Variants in NRG2 observed in about 807,000 individuals in gnomAD.
NRG2 encodes the protein pro-neuregulin-2, membrane-bound isoform.
A neutral mutation model predicts 73.9 loss-of-function variants in NRG2; 27 were observed. That is an observed-to-expected ratio of 0.37 (90% CI 0.27 to 0.50). The LOEUF (loss-of-function observed/expected upper bound fraction) is 0.50, where lower values mean the gene tolerates loss of function less well. Among genes scored for constraint, NRG2 ranks in the 20% least tolerant of loss-of-function variants. The probability of loss-of-function intolerance (pLI) is 0.96; values close to 1 mark genes in which losing one functional copy is unlikely to be tolerated. For synonymous variants in NRG2, 532 were observed against 541.0 expected, an observed-to-expected ratio of 0.98 and a Z score of 0.23; for missense variants, 1,126 against 1,210.1, an observed-to-expected ratio of 0.93 and a Z score of 1.03.
At chr5:139,968,941 G>C (rs1248454242) in intron 1 of NRG2, among the ~76,000 whole-genome samples, 1 of 152,236 alleles carries the variant, frequency 6.6e-6, no homozygotes, top group African/African-American at 2.4e-5. Flanking sequence ...ACCTGGTGGA[G>C]AGATGAGGAA....
Position 139,916,281 on chromosome 5 carries a change from G to A in NRG2, c.701-28770C>T, listed in dbSNP as rs566843637. Among the ~76,000 whole-genome samples the A allele has an allele frequency of 1.6e-4, 25 of 152,282 alleles. No individual in the cohort carries two copies. In the South Asian group the frequency reaches 4.1e-3, roughly 25 times the overall value. ...GCAGACGGTATATGAAGCACACTTCGAGAAAACTGGTCCCAGAGAATCCAG... is the reference window on the plus strand; with the variant it reads ...GCAGACGGTATATGAAGCACACTTCAAGAAAACTGGTCCCAGAGAATCCAG... On this transcript the variant is annotated intron_variant, in intron 1 of 9. Transcript: ENST00000361474.
intron 1 of NRG2, among the ~76,000 whole-genome samples, chr5:140,026,941 C>T (rs1040126635): frequency 3.3e-5 from 5 of 152,086 alleles, no homozygotes; most frequent in African/African-American, 1.2e-4. Context: ...GGCAATGCCT[C>T]GAAGAATGTT....
At chr5:139,973,754 C>A (rs1208916845) in intron 1 of NRG2, among the ~76,000 whole-genome samples, 1 of 152,220 alleles carries the variant, frequency 6.6e-6, no homozygotes, top group African/African-American at 2.4e-5. Context: ...GATAAAGATT[C>A]TGACAGATTC....
At position 139,887,555 on chromosome 5, in the gene NRG2, G is replaced by A. The variant is rs1320818602; in HGVS notation, c.701-44C>T. On this transcript the variant is annotated intron_variant, in intron 1 of 9. Transcript: ENST00000361474. This position sits in a 1 kb window ranked among gnomAD's most constrained non-coding sequence, Gnocchi z 4.5. Reference sequence around the variant, plus strand: ...GTAGGTGAGCACGGTGGTGGTAGGGGCAGTGCCAAGCATGAGTAGTGGAGA... The same window carrying A: ...GTAGGTGAGCACGGTGGTGGTAGGGACAGTGCCAAGCATGAGTAGTGGAGA... 1.0e-5 allele frequency: 16 copies of A among 1,577,092 alleles called. No homozygotes were observed. The highest frequency in any genetic ancestry group is 1.2e-5 in the Non-Finnish European group (14 of 1,150,838).
At chr5:140,000,005 A>G (rs1282058931) in intron 1 of NRG2, among the ~76,000 whole-genome samples, 6 of 152,170 alleles carry the variant, frequency 3.9e-5, no homozygotes, top group Non-Finnish European at 1.5e-5. Flanking sequence ...TTTTCTTTAT[A>G]CGCTCATGCA....
At chr5:139,908,718 T>C (rs1765404800) in intron 1 of NRG2, among the ~76,000 whole-genome samples, 1 of 152,186 alleles carries the variant, frequency 6.6e-6, no homozygotes, top group African/African-American at 2.4e-5. Flanking sequence ...GAGAAAGCCC[T>C]CACCCCTCAA....
At position 139,988,602 on chromosome 5, in the gene NRG2, G is replaced by C. The variant is rs138388502; in HGVS notation, c.700+53768C>G. Among the ~76,000 whole-genome samples, 88 of 152,146 alleles carry C rather than the reference G, an allele frequency of 5.8e-4. 2 individuals carry two copies. The highest frequency in any genetic ancestry group is 1.2e-4 in the Non-Finnish European group (8 of 67,950). On this transcript the variant is annotated intron_variant, in intron 1 of 9. Coordinates refer to ENST00000361474, the MANE Select transcript of NRG2 (RefSeq NM_004883.3). ...TCTGGAAAAGGCAAAACTATGGAGA[G>C]AGTAAAAGGATCAGTAGTTGCCAGA... is the stretch of plus-strand genomic sequence containing the variant.
At chr5:139,941,746 T>A (rs775148596) in intron 1 of NRG2, among the ~76,000 whole-genome samples, 2 of 152,194 alleles carry the variant, frequency 1.3e-5, no homozygotes, top group Non-Finnish European at 2.9e-5. Flanking sequence ...TCATTTGCAC[T>A]TGCATCAACA....
At chr5:139,931,865 CA>C (rs1331352334) in intron 1 of NRG2, among the ~76,000 whole-genome samples, 1 of 151,996 alleles carries the variant, frequency 6.6e-6, no homozygotes, top group Non-Finnish European at 1.5e-5. Flanking sequence ...CAGGGAAATG[CA>C]AATTAAAACC....
intron 1 of NRG2, among the ~76,000 whole-genome samples, chr5:139,932,397 C>T (rs562397514): frequency 6.6e-6 from 1 of 150,500 alleles, no homozygotes; most frequent in Non-Finnish European, 1.5e-5. Flanking sequence ...TGCATGATCT[C>T]ACTTATTAGT....
chr5:139,856,039 G>C lies in NRG2; in HGVS notation c.1190-261C>G, dbSNP rs558154458. On this transcript the variant is annotated intron_variant, in intron 5 of 9. Coordinates refer to ENST00000361474, the MANE Select transcript of NRG2 (RefSeq NM_004883.3). This position sits in a 1 kb window ranked among gnomAD's most constrained non-coding sequence, Gnocchi z 4.2. ...GTTCCCCTCCCCAAGCCCCATGCCT[G>C]CCCAGAGCACATGAGTGGAAAATGC... 91 of 506,448 alleles carry C rather than the reference G, an allele frequency of 1.8e-4. No homozygotes were observed. In the South Asian group the frequency reaches 2.1e-3, roughly 12 times the overall value. 31.4% of individuals were successfully genotyped at this position (506,448 alleles called of 1,614,324 possible). A position where few individuals can be genotyped will look rare whatever the true frequency, so the allele number is the denominator to read the frequency against.
At chr5:139,971,073 A>G (rs1021212251) in intron 1 of NRG2, among the ~76,000 whole-genome samples, 1 of 152,144 alleles carries the variant, frequency 6.6e-6, no homozygotes, top group Non-Finnish European at 1.5e-5. Context: ...AGTTTCCCCA[A>G]CATGGGGAGA....
At chr5:140,037,201 A>C (rs956840503) in intron 1 of NRG2, among the ~76,000 whole-genome samples, 14 of 152,224 alleles carry the variant, frequency 9.2e-5, no homozygotes, top group African/African-American at 3.4e-4. Context: ...CTGTGAAATC[A>C]TGTGATCTCC....
intron 1 of NRG2, among the ~76,000 whole-genome samples, chr5:139,938,959 A>AGG (rs1753138389): frequency 7.0e-6 from 1 of 143,098 alleles, no homozygotes; most frequent in Non-Finnish European, 1.5e-5. Context: ...GAAAGAAAGA[A>AGG]AAAAGAAGGA....
chr5:139,899,947 A>C (rs999991717), intron 1 of NRG2, among the ~76,000 whole-genome samples: 1 of 152,344 alleles, frequency 6.6e-6, no homozygotes, highest in Admixed American at 6.5e-5. Context: ...TCTCATCTGT[A>C]AAGTGAGGAT....
At chr5:139,930,089 G>C (rs1433302) in intron 1 of NRG2, among the ~76,000 whole-genome samples, 23,296 of 152,132 alleles carry the variant, frequency 0.15, 1,994 homozygotes, top group South Asian at 0.25. Flanking sequence ...TGGGACAAAC[G>C]AGGATTAGTG....
intron 5 of NRG2, among the ~76,000 whole-genome samples, chr5:139,858,006 GC>G (rs1453418750): frequency 6.6e-6 from 1 of 152,020 alleles, no homozygotes; most frequent in Non-Finnish European, 1.5e-5. Flanking sequence ...TCCCCACCCT[GC>G]CCCCAGCCCA....
chr5:139,946,087 TG>T, intron 1 of NRG2, among the ~76,000 whole-genome samples: 1 of 152,074 alleles, frequency 6.6e-6, no homozygotes, highest in Non-Finnish European at 1.5e-5. Context: ...ATTCCTGGCT[TG>T]CTTTTTTTGC....
In NRG2 at chr5:140,042,817, A is replaced by G. The variant is rs1470132222; in HGVS notation, c.253T>C (p.Ser85Pro). ...ATGCCGCCGGCGGCTGCGGCTCGCG[A>G]ACGGGCGGCGGCTCTCCGGGCTGCG... is the stretch of plus-strand genomic sequence containing the variant. ...SPAARRAAAR[S>P]RAAAAGGMRR... Residue 85 changes from serine to proline, a missense_variant, in exon 1 of 10, where the codon TCG becomes CCG. By Grantham distance (74) the Ser-to-Pro change is moderately conservative. This residue lies in a region of NRG2 where 185 missense variants were observed against 149.0 expected (regional missense o/e 1.24). Transcript: ENST00000361474. 7 of 1,491,306 alleles carry G rather than the reference A, an allele frequency of 4.7e-6. No individual in the cohort carries two copies. The highest frequency in any genetic ancestry group is 1.3e-5 in the South Asian group (1 of 77,644). 92.4% of individuals were successfully genotyped at this position (1,491,306 alleles called of 1,614,324 possible). A position where few individuals can be genotyped will look rare whatever the true frequency, so the allele number is the denominator to read the frequency against.
Sources: allele counts gnomAD v4.1 joint callset (sites outside exome capture counted in the v4.1 genomes callset), GRCh38; gene constraint gnomAD v4.1.1; regional missense constraint gnomAD v4.1.1; non-coding constraint Gnocchi (gnomAD v3.1); transcripts MANE v1.5; gene names NCBI Gene and HGNC (gene_info 2026-07-23, HGNC 2026-07-21).